Variants in RBFOX1 observed in about 807,000 individuals in gnomAD.
The protein encoded by RBFOX1 is RNA binding protein fox-1 homolog 1.
RBFOX1 carries 8 observed loss-of-function variants against 57.7 expected under a neutral mutation model. That is an observed-to-expected ratio of 0.14 (90% CI 0.08 to 0.25). RBFOX1 has a LOEUF of 0.25. Among genes scored for constraint, RBFOX1 ranks in the 10% least tolerant of loss-of-function variants. The pLI is 1.00. For missense variants in RBFOX1, 611 were observed against 548.5 expected (o/e 1.11, Z -1.14); for synonymous variants, 326 against 222.4 (o/e 1.47, Z -4.15).
intron 3 of RBFOX1, among the ~76,000 whole-genome samples, chr16:6,969,455 C>T (rs1270943823): frequency 6.6e-6 from 1 of 151,918 alleles, no homozygotes; most frequent in Non-Finnish European, 1.5e-5. Flanking sequence ...AATAAGGTGG[C>T]CGGGTGTGGT....
chr16:7,386,885 A>T (rs1246826793), intron 4 of RBFOX1, among the ~76,000 whole-genome samples: 1 of 152,244 alleles, frequency 6.6e-6, no homozygotes, highest in South Asian at 2.1e-4. Flanking sequence ...CCTCTCCAGC[A>T]TCTGTTGTTT....
At chr16:6,709,505 C>A (rs1425473324) in intron 3 of RBFOX1, among the ~76,000 whole-genome samples, 2 of 152,178 alleles carry the variant, frequency 1.3e-5, no homozygotes, top group Non-Finnish European at 2.9e-5. Context: ...CCTACTGTTG[C>A]AGCAGCATTT....
At chr16:6,166,849 C>G (rs2096921440) in intron 1 of RBFOX1, among the ~76,000 whole-genome samples, 1 of 152,166 alleles carries the variant, frequency 6.6e-6, no homozygotes, top group Non-Finnish European at 1.5e-5. Flanking sequence ...TTTCGGCTCA[C>G]TGCAACCTCC....
At chr16:5,357,257 A>G (rs1372927971) in intron 1 of RBFOX1, among the ~76,000 whole-genome samples, 1 of 152,170 alleles carries the variant, frequency 6.6e-6, no homozygotes, top group African/African-American at 2.4e-5. Context: ...CCTTGGCCAT[A>G]GCTGATTGGC....
intron 3 of RBFOX1, among the ~76,000 whole-genome samples, chr16:5,830,919 C>T (rs1370863975): frequency 6.6e-6 from 1 of 152,190 alleles, no homozygotes; most frequent in Non-Finnish European, 1.5e-5. Context: ...GTGATGCCCT[C>T]TCCTTGGCCA....
At chr16:5,813,675 A>C (rs79512967) in intron 3 of RBFOX1, among the ~76,000 whole-genome samples, 4,336 of 152,294 alleles carry the variant, frequency 0.028, 197 homozygotes, top group African/African-American at 0.091. Flanking sequence ...TGTGATTTGC[A>C]AATAGTTTAT....
intron 2 of RBFOX1, among the ~76,000 whole-genome samples, chr16:6,486,023 T>C (rs2095473120): frequency 6.6e-6 from 1 of 151,378 alleles, no homozygotes; most frequent in Non-Finnish European, 1.5e-5. Context: ...TTTTCTTTTT[T>C]TTTTTCCTCT....
At chr16:5,608,643 T>A (rs901096351) in intron 3 of RBFOX1, among the ~76,000 whole-genome samples, 2 of 152,208 alleles carry the variant, frequency 1.3e-5, no homozygotes, top group Non-Finnish European at 2.9e-5. Flanking sequence ...TTATTGATTA[T>A]TTCAGCTCTG....
At chr16:6,967,170 C>T (rs771168146) in intron 3 of RBFOX1, among the ~76,000 whole-genome samples, 1 of 152,108 alleles carries the variant, frequency 6.6e-6, no homozygotes, top group Non-Finnish European at 1.5e-5. Context: ...TGTGTTTGTA[C>T]ATTCACACAT....
At chr16:5,253,572 T>A (rs976997431) in intron 1 of RBFOX1, among the ~76,000 whole-genome samples, 3 of 152,200 alleles carry the variant, frequency 2.0e-5, no homozygotes, top group Non-Finnish European at 4.4e-5. Context: ...TACAGGCAGG[T>A]TGAACTTGGC....
chr16:5,331,145 A>C (rs1289551520), intron 1 of RBFOX1, among the ~76,000 whole-genome samples: 1 of 152,162 alleles, frequency 6.6e-6, no homozygotes, highest in Non-Finnish European at 1.5e-5. Context: ...CCGCTGTATA[A>C]CTTACGTGGA....
intron 2 of RBFOX1, among the ~76,000 whole-genome samples, chr16:6,379,457 C>T (rs1596352743): frequency 6.6e-6 from 1 of 152,000 alleles, no homozygotes; most frequent in African/African-American, 2.4e-5. Context: ...ATATCGTCAC[C>T]CTACCCGCAT....
intron 1 of RBFOX1, among the ~76,000 whole-genome samples, chr16:6,054,503 T>C (rs2095590906): frequency 6.6e-6 from 1 of 152,158 alleles, no homozygotes; most frequent in Non-Finnish European, 1.5e-5. Flanking sequence ...ATGCGAAGTA[T>C]ATCAGGTCAA....
intron 4 of RBFOX1, among the ~76,000 whole-genome samples, chr16:7,404,236 A>G (rs767410029): frequency 1.8e-4 from 28 of 151,832 alleles, no homozygotes; most frequent in Admixed American, 3.3e-4. Context: ...TATTTTTAGT[A>G]CAGACGGGGT....
chr16:6,572,345 A>G (rs749037860), intron 2 of RBFOX1, among the ~76,000 whole-genome samples: 3 of 152,208 alleles, frequency 2.0e-5, no homozygotes, highest in South Asian at 4.1e-4. Flanking sequence ...CTTAATGAGT[A>G]TGTTCTGCTT....
At chr16:5,854,118 A>T (rs1410460421) in intron 3 of RBFOX1, among the ~76,000 whole-genome samples, 1 of 152,226 alleles carries the variant, frequency 6.6e-6, no homozygotes, top group East Asian at 1.9e-4. Context: ...ATGTATTGGG[A>T]AACGCTTACC....
chr16:7,573,152 G>T (rs2092965933), intron 5 of RBFOX1, among the ~76,000 whole-genome samples: 1 of 152,302 alleles, frequency 6.6e-6, no homozygotes, highest in Middle Eastern at 3.4e-3. Context: ...GGCAGAGATT[G>T]TATCGGCAAG....
chr16:6,478,406 TATATATATATATATATA>T (rs1567368098), intron 2 of RBFOX1, among the ~76,000 whole-genome samples: 11 of 18,862 alleles, frequency 5.8e-4, no homozygotes, highest in South Asian at 5.4e-3. Flanking sequence ...TATATATATA[TATATATATATATATATA>T]TATATATTTT....
intron 1 of RBFOX1, among the ~76,000 whole-genome samples, chr16:6,296,385 C>T (rs1193591478): frequency 1.3e-5 from 2 of 151,562 alleles, no homozygotes; most frequent in Non-Finnish European, 2.9e-5. Flanking sequence ...AGTTTCACCT[C>T]ATAGGTGGCT....
Sources: gnomAD v4.1 joint callset for allele counts (sites outside exome capture counted in the v4.1 genomes callset) on GRCh38, gnomAD v4.1.1 for gene constraint, MANE v1.5 for transcripts, NCBI Gene and HGNC (gene_info 2026-07-23, HGNC 2026-07-21) for gene names.